PHACTR3: variants seen among roughly 807,000 people sequenced by gnomAD.
PHACTR3 encodes phosphatase and actin regulator 3, also known as protein phosphatase 1, regulatory subunit 123.
Under a neutral mutation model 66.8 loss-of-function variants are expected in PHACTR3, and 16 were observed. That is an observed-to-expected ratio of 0.24 (90% CI 0.16 to 0.36). PHACTR3 has a LOEUF of 0.36. Among genes scored for constraint, PHACTR3 ranks in the 10% least tolerant of loss-of-function variants. The probability of loss-of-function intolerance (pLI) is 1.00; values close to 1 mark genes in which losing one functional copy is unlikely to be tolerated. For synonymous variants in PHACTR3, 323 were observed against 292.1 expected (o/e 1.11, Z -1.08); for missense variants, 647 against 719.9 (o/e 0.90, Z 1.16).
chr20:59,699,262 GA>G (rs1387682398), intron 1 of PHACTR3, among the ~76,000 whole-genome samples: 1 of 152,190 alleles, frequency 6.6e-6, no homozygotes, highest in Non-Finnish European at 1.5e-5. Flanking sequence ...CTTGGGCTGA[GA>G]CAAATATGAC....
At chr20:59,814,710 C>T (rs188809950) in intron 8 of PHACTR3, among the ~76,000 whole-genome samples, 127 of 152,176 alleles carry the variant, frequency 8.3e-4, no homozygotes, top group African/African-American at 1.9e-3. Flanking sequence ...TTTCACTGAC[C>T]GCCAGGAACC....
intron 5 of PHACTR3, among the ~76,000 whole-genome samples, chr20:59,768,781 G>A (rs1359501176): frequency 6.6e-6 from 1 of 152,182 alleles, no homozygotes; most frequent in African/African-American, 2.4e-5. Flanking sequence ...GCTTTCAGTG[G>A]GGCATTTTCC....
At chr20:59,671,429 C>T (rs1231516556) in intron 1 of PHACTR3, among the ~76,000 whole-genome samples, 1 of 152,184 alleles carries the variant, frequency 6.6e-6, no homozygotes, top group Non-Finnish European at 1.5e-5. Flanking sequence ...GTGGCTTAGC[C>T]CTCCTCTGCT....
At chr20:59,713,324 A>G (rs1187069381) in intron 1 of PHACTR3, among the ~76,000 whole-genome samples, 4 of 152,238 alleles carry the variant, frequency 2.6e-5, no homozygotes, top group Non-Finnish European at 4.4e-5. Flanking sequence ...TGCACAGAGC[A>G]GGTGTTCAAT....
chr20:59,798,770 C>T lies in PHACTR3; in HGVS notation c.1175-7271C>T, dbSNP rs2041327656. Among the ~76,000 whole-genome samples the T allele has an allele frequency of 3.9e-5, 6 of 152,016 alleles. No homozygotes were observed. In the South Asian group the frequency reaches 6.2e-4, roughly 16 times the overall value. On this transcript the variant is annotated intron_variant, in intron 7 of 12. Coordinates refer to ENST00000371015, the MANE Select transcript of PHACTR3 (RefSeq NM_080672.5). ...TTACCATCTCTTTTTCCTTCTTCTT[C>T]CTGATGAATTATTTTCTTTATTATT...
intron 1 of PHACTR3, among the ~76,000 whole-genome samples, chr20:59,679,185 A>T (rs1012225012): frequency 6.6e-6 from 1 of 152,276 alleles, no homozygotes; most frequent in East Asian, 1.9e-4. Context: ...TTGAAGATGG[A>T]CTTGATTGAA....
intron 1 of PHACTR3, among the ~76,000 whole-genome samples, chr20:59,595,275 A>T (rs2033293322): frequency 6.6e-6 from 1 of 152,068 alleles, no homozygotes; most frequent in Non-Finnish European, 1.5e-5. Flanking sequence ...AGCCTGTCCA[A>T]TATGGTGAAA....
intron 1 of PHACTR3, among the ~76,000 whole-genome samples, chr20:59,702,224 T>C (rs1185111764): frequency 6.6e-6 from 1 of 152,272 alleles, no homozygotes; most frequent in South Asian, 2.1e-4. Flanking sequence ...CATTCAGATG[T>C]GCTCCTGACC....
intron 1 of PHACTR3, among the ~76,000 whole-genome samples, chr20:59,592,587 C>A (rs2033216035): frequency 1.3e-5 from 2 of 152,214 alleles, no homozygotes. Context: ...ATGACACCTA[C>A]CCCTCATTAT....
intron 1 of PHACTR3, among the ~76,000 whole-genome samples, chr20:59,686,514 G>A (rs549056210): frequency 6.6e-6 from 1 of 152,204 alleles, no homozygotes; most frequent in South Asian, 2.1e-4. Flanking sequence ...TGGTGGTGAT[G>A]ATTGTGATGT....
At chr20:59,655,375 A>G (rs1445757860) in intron 1 of PHACTR3, among the ~76,000 whole-genome samples, 1 of 152,046 alleles carries the variant, frequency 6.6e-6, no homozygotes, top group Non-Finnish European at 1.5e-5. Context: ...TGCAACTATC[A>G]TCACAATTGG....
intron 1 of PHACTR3, among the ~76,000 whole-genome samples, chr20:59,635,109 T>TTCTTTCTTTC (rs2034805615): frequency 3.3e-5 from 2 of 59,818 alleles, no homozygotes; most frequent in Non-Finnish European, 6.8e-5. Context: ...CTCTCTTTCT[T>TTCTTTCTTTC]TCTTTCTTTC....
chr20:59,753,177 G>A (rs551268192), intron 3 of PHACTR3, among the ~76,000 whole-genome samples: 1 of 152,186 alleles, frequency 6.6e-6, no homozygotes, highest in African/African-American at 2.4e-5. Context: ...AAGGGTTGCA[G>A]CACGGGGGAT....
intron 2 of PHACTR3, 116 bp from the exon 3 acceptor site, chr20:59,747,642 G>A (rs1016107894): frequency 6.7e-6 from 8 of 1,195,052 alleles, no homozygotes; most frequent in East Asian, 2.4e-5. Flanking sequence ...ACCCCGAGGC[G>A]CCTGCTAGCT....
chr20:59,615,696 T>G (rs1239199429), intron 1 of PHACTR3, among the ~76,000 whole-genome samples: 1 of 152,170 alleles, frequency 6.6e-6, no homozygotes, highest in African/African-American at 2.4e-5. Flanking sequence ...GGACCTGCAG[T>G]CTAAACCAGC....
intron 1 of PHACTR3, among the ~76,000 whole-genome samples, chr20:59,583,569 C>G (rs185866375): frequency 6.6e-6 from 1 of 152,262 alleles, no homozygotes; most frequent in Non-Finnish European, 1.5e-5. Context: ...TGCCCGCCTA[C>G]GCAAGCAGCC....
intron 1 of PHACTR3, among the ~76,000 whole-genome samples, chr20:59,661,169 C>T (rs1398379012): frequency 7.2e-5 from 11 of 152,136 alleles, no homozygotes; most frequent in Admixed American, 5.2e-4. Context: ...AGGGCACGCC[C>T]GGGTACCGTG....
At chr20:59,702,994 C>A (rs2037562225) in intron 1 of PHACTR3, among the ~76,000 whole-genome samples, 2 of 152,182 alleles carry the variant, frequency 1.3e-5, no homozygotes, top group African/African-American at 4.8e-5. Context: ...TGCAAGAATC[C>A]ATTTCAAAGA....
At chr20:59,665,539 A>G (rs1046292461) in intron 1 of PHACTR3, among the ~76,000 whole-genome samples, 1 of 152,126 alleles carries the variant, frequency 6.6e-6, no homozygotes, top group Admixed American at 6.5e-5. Context: ...ATTTTAAGCT[A>G]TCTACTTGGG....
Sources: gnomAD v4.1 joint callset for allele counts (sites outside exome capture counted in the v4.1 genomes callset) on GRCh38, gnomAD v4.1.1 for gene constraint, MANE v1.5 for transcripts, NCBI Gene and HGNC (gene_info 2026-07-23, HGNC 2026-07-21) for gene names.